Variants in PLXNB2 observed in about 807,000 individuals in gnomAD.
PLXNB2 encodes the protein plexin B2, also known as plexin-B2.
PLXNB2 carries 85 observed loss-of-function variants against 202.6 expected under a neutral mutation model. The ratio of observed to expected loss-of-function variants is 0.42; its 90% confidence interval spans 0.35 to 0.50. The LOEUF (loss-of-function observed/expected upper bound fraction) is 0.50. Ranked by LOEUF, PLXNB2 falls within the 20% of genes least tolerant of loss-of-function variation. PLXNB2 has a pLI of 0.02. For synonymous variants in PLXNB2, 1,239 were observed against 1,137.6 expected (o/e 1.09, Z -1.79); for missense variants, 2,063 against 2,586.2 (o/e 0.80, Z 4.39).
At position 50,286,302 on chromosome 22, in the gene PLXNB2, G is replaced by T. The variant is rs183184653; in HGVS notation, c.1763-15C>A. On this transcript the variant is annotated splice_polypyrimidine_tract_variant and intron_variant, in intron 8 of 36. Transcript: ENST00000359337. Reference sequence around the variant, plus strand: ...GGCCACGTGGTCTGCAGACAGCAGAGGGGGAGGTGTCAAGGTGGCGGCCGC... The same window carrying T: ...GGCCACGTGGTCTGCAGACAGCAGATGGGGAGGTGTCAAGGTGGCGGCCGC... 1,070 of 1,591,084 alleles carry T rather than the reference G, an allele frequency of 6.7e-4. 5 individuals carry two copies. The African/African-American group carries it at 0.011, about 16-fold the overall frequency.
Position 50,275,302 on chromosome 22 carries a change from C to A in PLXNB2, c.*402G>T. ...GACAGACAGACATAGGATCTGGGAA[C>A]TTGCCCTGGGGGCCACAGGCCCTCA... On this transcript the variant is annotated 3_prime_UTR_variant, in exon 37 of 37. Coordinates refer to ENST00000359337, the MANE Select transcript of PLXNB2 (RefSeq NM_012401.4). 2.3e-6 allele frequency: 1 copy of A among 434,052 alleles called. No homozygotes were observed. The allele number at this position is 434,052 out of a possible 1,614,324, so 26.9% of individuals were successfully genotyped here. A position where few individuals can be genotyped will look rare whatever the true frequency, so the allele number is the denominator to read the frequency against.
In PLXNB2 at chr22:50,277,679, T is replaced by C; in HGVS notation, c.5108A>G (p.His1703Arg). ...CGAGGCGTCCACCACCTCGTGGACATGCACGTCAAAGATGAAGTGGGGGTT... is the reference window on the plus strand; with the variant it reads ...CGAGGCGTCCACCACCTCGTGGACACGCACGTCAAAGATGAAGTGGGGGTT... ...LKNPHFIFDVHVHEVVDASLS... is the reference protein window; with the variant it reads ...LKNPHFIFDVRVHEVVDASLS... The change falls in exon 33 of 37, where the codon CAT (histidine) becomes CGT (arginine). Residue 1703 changes from histidine to arginine, a missense_variant. His to Arg is a conservative substitution (Grantham distance 29). Transcript: ENST00000359337. 6.2e-7 allele frequency: 1 copy of C among 1,608,774 alleles called. No individual in the cohort carries two copies. Among genetic ancestry groups the C allele is most frequent in the Non-Finnish European group, 8.5e-7 (1 of 1,177,116 alleles).
Position 50,290,010 on chromosome 22 carries a change from T to G in PLXNB2, c.575A>C (p.Asp192Ala). 2 of 1,613,406 alleles carry G rather than the reference T, an allele frequency of 1.2e-6. No individual in the cohort carries two copies. Among genetic ancestry groups the G allele is most frequent in the Non-Finnish European group, 1.7e-6 (2 of 1,180,016 alleles). The stretch of plus-strand genomic sequence containing the variant: ...GTAGGCTTCAAAGGCCTCCCTGCTG[T>G]CAGTCCGGTCCAACAGCCGAGTGCT... ...IVSTRLLDRT[D>A]SREAFEAYTD... Residue 192 changes from aspartate (D) to alanine (A), a missense_variant, in exon 3 of 37, where the codon GAC becomes GCC. By Grantham distance (126) the Asp-to-Ala change is moderately radical. Around this residue, in one of 2 missense-constraint regions of PLXNB2, gnomAD observed 1,303 missense variants for 1,476.8 expected, o/e 0.88. Transcript: ENST00000359337.
chr22:50,293,792 T>C (rs932751927), intron 2 of PLXNB2, among the ~76,000 whole-genome samples: 1 of 151,978 alleles, frequency 6.6e-6, no homozygotes, highest in Non-Finnish European at 1.5e-5. Flanking sequence ...GGGAAGACAC[T>C]CACCCACCCG....
In PLXNB2 at chr22:50,282,312, C is replaced by A; in HGVS notation, c.2989G>T (p.Gly997Cys). 1 of 1,607,066 alleles carries A rather than the reference C, an allele frequency of 6.2e-7. No homozygotes were observed. The highest frequency in any genetic ancestry group is 8.5e-7 in the Non-Finnish European group (1 of 1,177,108). ...CCCGTGACGTTGATGCTGCGGCCAC[C>A]ACTGCGGAGGGCAGTGCCTTCGTGG... ...AFEPLRSFASGGRSINVTGQG... is the reference protein window; with the variant it reads ...AFEPLRSFASCGRSINVTGQG... The change falls in exon 19 of 37, where the codon GGT (glycine) becomes TGT (cysteine). Residue 997 changes from glycine to cysteine, a missense_variant and splice_region_variant. This residue lies in a region of PLXNB2 where 1,303 missense variants were observed against 1,476.8 expected (regional missense o/e 0.88). Transcript: ENST00000359337.
intron 19 of PLXNB2, 34 bp from the exon 20 acceptor site, chr22:50,282,115 G>A (rs754406678): frequency 3.8e-5 from 61 of 1,604,318 alleles, no homozygotes; most frequent in African/African-American, 6.7e-5. Flanking sequence ...GCCCCCGGGC[G>A]CAGACCCCGC....
chr22:50,290,125 C>A lies in PLXNB2; in HGVS notation c.460G>T (p.Val154Leu). ...GGACCCGTGGAGCTCACCAGCCCCACTGTGGCCACGCCCTCATCATTGCTG... is the reference window on the plus strand; with the variant it reads ...GGACCCGTGGAGCTCACCAGCCCCAATGTGGCCACGCCCTCATCATTGCTG... ...VASNDEGVATVGLVSSTGPGG... is the reference protein window; with the variant it reads ...VASNDEGVATLGLVSSTGPGG... Residue 154 changes from valine to leucine, a missense_variant, in exon 3 of 37, where the codon GTG (valine) becomes TTG (leucine). Coordinates refer to ENST00000359337, the MANE Select transcript of PLXNB2 (RefSeq NM_012401.4). 6.2e-7 allele frequency: 1 copy of A among 1,613,140 alleles called. No individual in the cohort carries two copies. The highest frequency in any genetic ancestry group is 8.5e-7 in the Non-Finnish European group (1 of 1,180,006).
intron 1 of PLXNB2, among the ~76,000 whole-genome samples, chr22:50,305,500 C>T (rs2067852828): frequency 1.3e-5 from 2 of 152,236 alleles, no homozygotes; most frequent in South Asian, 4.1e-4. Flanking sequence ...GCCTCAGTCT[C>T]CCCACCTGCA....
intron 1 of PLXNB2, among the ~76,000 whole-genome samples, chr22:50,307,256 A>G (rs1442941837): frequency 6.6e-6 from 1 of 151,902 alleles, no homozygotes; most frequent in Non-Finnish European, 1.5e-5. Context: ...CGGCGGCTGA[A>G]GAGTGAGAGG....
At chr22:50,281,778 G>C (rs1281297278) in intron 20 of PLXNB2, 36 bp from the exon 21 acceptor site, 1 of 1,566,278 alleles carries the variant, frequency 6.4e-7, no homozygotes, top group African/African-American at 1.3e-5. Context: ...GAGGAGGAGG[G>C]AACCAGGGAC....
Position 50,297,846 on chromosome 22 carries a change from G to A in PLXNB2, c.-73-3068C>T, listed in dbSNP as rs926700827. 1.3e-5 allele frequency among the ~76,000 whole-genome samples: 2 copies of A among 152,078 alleles called. No individual in the cohort carries two copies. Among genetic ancestry groups the A allele is most frequent in the East Asian group, 1.9e-4 (1 of 5,184 alleles). ...TATGTAACCTGGGGGTCATTATGGC[G>A]CCCACCTCAGAGGGCTGCCTTGAGG... On this transcript the variant is annotated intron_variant, in intron 1 of 36. Transcript: ENST00000359337. The surrounding 1 kb of genome is among the most constrained non-coding windows in gnomAD (Gnocchi z 5.3).
At position 50,282,242 on chromosome 22, in the gene PLXNB2, G is replaced by A. The variant is rs374289741; in HGVS notation, c.3059C>T (p.Ala1020Val). The change falls in exon 19 of 37, where the codon GCG (alanine) becomes GTG (valine). Residue 1020 changes from alanine to valine, a missense_variant. Ala to Val is a moderately conservative substitution (Grantham distance 64, BLOSUM62 0). Transcript: ENST00000359337. The part of the protein sequence containing the change: ...LIQRFAMVVI[A>V]EPLQSWQPPR... ...CGGCTGCCAGGACTGCAGGGGCTCC[G>A]CGATGACCACCATGGCAAACCTCTG... The A allele has an allele frequency of 4.7e-5, 76 of 1,612,370 alleles. No homozygotes were observed. The highest frequency in any genetic ancestry group is 2.4e-4 in the African/African-American group (18 of 75,054).
chr22:50,292,609 C>G (rs2066955986), intron 2 of PLXNB2, among the ~76,000 whole-genome samples: 1 of 152,172 alleles, frequency 6.6e-6, no homozygotes, highest in Admixed American at 6.5e-5. Flanking sequence ...AACCCCCTGG[C>G]CTCTGTCCTC....
chr22:50,300,512 G>T (rs566404592), intron 1 of PLXNB2, among the ~76,000 whole-genome samples: 93 of 152,314 alleles, frequency 6.1e-4, no homozygotes, highest in South Asian at 8.3e-4. Flanking sequence ...GGCAAAGGCC[G>T]AACGCTCCCG....
At chr22:50,303,014 T>C (rs917744368) in intron 1 of PLXNB2, among the ~76,000 whole-genome samples, 3 of 152,158 alleles carry the variant, frequency 2.0e-5, no homozygotes, top group Admixed American at 1.3e-4. Flanking sequence ...CCTGAAATAC[T>C]TGGATTACCC....
At position 50,305,527 on chromosome 22, in the gene PLXNB2, G is replaced by A. The variant is rs565163571; in HGVS notation, c.-74+2026C>T. 1.5e-3 allele frequency among the ~76,000 whole-genome samples: 223 copies of A among 152,330 alleles called. 1 individual carries two copies. Among genetic ancestry groups the A allele is most frequent in the African/African-American group, 5.2e-3 (216 of 41,578 alleles). Reference sequence around the variant, plus strand: ...CCACCTGCAGGATGGGCTCACAGGCGCCATATCCAGAGGGGGTCGTAGGCA... The same window carrying A: ...CCACCTGCAGGATGGGCTCACAGGCACCATATCCAGAGGGGGTCGTAGGCA... On this transcript the variant is annotated intron_variant, in intron 1 of 36. Coordinates refer to ENST00000359337, the MANE Select transcript of PLXNB2 (RefSeq NM_012401.4).
chr22:50,307,449 C>G, intron 1 of PLXNB2, 104 bp downstream of exon 1: 1 of 623,444 alleles, frequency 1.6e-6, no homozygotes, highest in Non-Finnish European at 2.0e-6. Context: ...GCCGCAGGTC[C>G]CCGGGCCCCA....
intron 2 of PLXNB2, among the ~76,000 whole-genome samples, chr22:50,292,046 T>C (rs1012162019): frequency 1.6e-4 from 24 of 152,176 alleles, no homozygotes; most frequent in Admixed American, 4.6e-4. Context: ...CACCACATAT[T>C]TGAAAGTTTT....
At position 50,283,995 on chromosome 22, in the gene PLXNB2, G is replaced by A. The variant is rs202168103; in HGVS notation, c.2264-5C>T. The stretch of plus-strand genomic sequence containing the variant: ...AGGAGCAGTTGTAGAGGGTCACTGC[G>A]GGGAGAGCTGCCGTCAGTGGTCACC... On this transcript the variant is annotated splice_polypyrimidine_tract_variant and splice_region_variant and intron_variant, in intron 13 of 36. Coordinates refer to ENST00000359337, the MANE Select transcript of PLXNB2 (RefSeq NM_012401.4). The A allele has an allele frequency of 4.2e-4, 644 of 1,536,712 alleles. No homozygotes were observed. The African/African-American group carries it at 6.3e-3, about 15-fold the overall frequency.
Sources: allele counts gnomAD v4.1 joint callset (sites outside exome capture counted in the v4.1 genomes callset), GRCh38; gene constraint gnomAD v4.1.1; regional missense constraint gnomAD v4.1.1; non-coding constraint Gnocchi (gnomAD v3.1); transcripts MANE v1.5; gene names NCBI Gene and HGNC (gene_info 2026-07-23, HGNC 2026-07-21).